The following PDK1 variants were observed in gnomAD, a reference collection of about 807,000 sequenced individuals.
The protein encoded by PDK1 is pyruvate dehydrogenase kinase 1.
In PDK1, 39 loss-of-function variants were observed where a neutral mutation model predicts 54.2. That is an observed-to-expected ratio of 0.72 (90% CI 0.56 to 0.94). The LOEUF is 0.94. Among genes scored for constraint, PDK1 ranks in the 40% least tolerant of loss-of-function variants. PDK1 has a pLI of 0.00. For missense variants in PDK1, 552 were observed against 566.0 expected, an observed-to-expected ratio of 0.98 and a Z score of 0.25; for synonymous variants, 221 against 207.1, an observed-to-expected ratio of 1.07 and a Z score of -0.58.
At chr2:172,582,195 T>C (rs557858736) in intron 8 of PDK1, among the ~76,000 whole-genome samples, 2 of 152,352 alleles carry the variant, frequency 1.3e-5, no homozygotes, top group Admixed American at 6.5e-5. Flanking sequence ...ATTACAGGTA[T>C]GAGCCACAGC....
intron 8 of PDK1, among the ~76,000 whole-genome samples, chr2:172,585,938 G>A (rs1690198221): frequency 6.6e-6 from 1 of 152,092 alleles, no homozygotes; most frequent in Non-Finnish European, 1.5e-5. Context: ...GGCCAAGACA[G>A]GCAGATCATG....
chr2:172,711,213 A>T, the PDK1 span, among the ~76,000 whole-genome samples: 4 of 152,322 alleles, frequency 2.6e-5, no homozygotes, highest in East Asian at 7.7e-4. Context: ...TGACATAAAG[A>T]TGTCTCTTGT....
chr2:172,594,999 A>G (rs957026996), intron 10 of PDK1, among the ~76,000 whole-genome samples: 4 of 152,188 alleles, frequency 2.6e-5, no homozygotes, highest in African/African-American at 7.2e-5. Context: ...GGGCCAATAA[A>G]TGTTCACGAA....
the PDK1 span, among the ~76,000 whole-genome samples, chr2:172,645,374 G>A: frequency 8.4e-5 from 12 of 142,686 alleles, no homozygotes; most frequent in African/African-American, 2.3e-4. Context: ...GGGTTCAAGC[G>A]GTTCTCCTGG....
the PDK1 span, among the ~76,000 whole-genome samples, chr2:172,679,751 GA>G: frequency 3.4e-5 from 5 of 148,492 alleles, no homozygotes; most frequent in Middle Eastern, 3.4e-3. Context: ...GGGAGAGAAA[GA>G]AAAAAAAAGA....
chr2:172,594,896 A>G (rs1326300302), intron 10 of PDK1, among the ~76,000 whole-genome samples: 1 of 152,202 alleles, frequency 6.6e-6, no homozygotes, highest in Admixed American at 6.5e-5. Context: ...ATTACTGGTA[A>G]TAATATATGG....
the PDK1 span, among the ~76,000 whole-genome samples, chr2:172,622,192 T>A: frequency 8.0e-5 from 12 of 149,646 alleles, no homozygotes; most frequent in African/African-American, 2.9e-4. Flanking sequence ...ATATATTATG[T>A]GAGATGTTTA....
At chr2:172,668,790 A>G in the PDK1 span, among the ~76,000 whole-genome samples, 1 of 141,852 alleles carries the variant, frequency 7.0e-6, no homozygotes, top group Non-Finnish European at 1.5e-5. Flanking sequence ...ACACACATAT[A>G]TGTATGTGTA....
chr2:172,564,180 C>A, intron 3 of PDK1: 1 of 481,868 alleles, frequency 2.1e-6, no homozygotes, highest in Non-Finnish European at 4.1e-6. Flanking sequence ...ATACCATCCT[C>A]TTAGCCAGTG....
chr2:172,617,535 CT>C, the PDK1 span, among the ~76,000 whole-genome samples: 1 of 152,066 alleles, frequency 6.6e-6, no homozygotes, highest in Admixed American at 6.6e-5. Flanking sequence ...ACCTAGAACA[CT>C]GTGTCATCTG....
At chr2:172,581,145 T>G (rs1050005696) in intron 8 of PDK1, among the ~76,000 whole-genome samples, 65 of 152,202 alleles carry the variant, frequency 4.3e-4, no homozygotes, top group African/African-American at 1.5e-3. Context: ...CAGGCTGGAG[T>G]GCGGTGGCAT....
chr2:172,706,533 C>T, the PDK1 span, among the ~76,000 whole-genome samples: 2 of 151,940 alleles, frequency 1.3e-5, no homozygotes, highest in Non-Finnish European at 2.9e-5. Context: ...TCAGGTGATC[C>T]TCCCACTTCA....
At chr2:172,655,488 A>G in the PDK1 span, among the ~76,000 whole-genome samples, 1 of 152,238 alleles carries the variant, frequency 6.6e-6, no homozygotes, top group Admixed American at 6.5e-5. Context: ...GGCCAGGCTT[A>G]CATTTTATTT....
the PDK1 span, among the ~76,000 whole-genome samples, chr2:172,712,910 A>T: frequency 6.6e-6 from 1 of 152,238 alleles, no homozygotes; most frequent in Admixed American, 6.5e-5. Flanking sequence ...CAAGGTGAAG[A>T]GGTGCTTTAT....
At chr2:172,615,480 A>T in the PDK1 span, among the ~76,000 whole-genome samples, 1 of 152,094 alleles carries the variant, frequency 6.6e-6, no homozygotes, top group East Asian at 1.9e-4. Context: ...AAAATTAGCC[A>T]GGTGTGGTGG....
At chr2:172,702,748 A>C in the PDK1 span, among the ~76,000 whole-genome samples, 1 of 152,128 alleles carries the variant, frequency 6.6e-6, no homozygotes, top group African/African-American at 2.4e-5. Flanking sequence ...GATTTTTAAA[A>C]AAATTGTATT....
chr2:172,572,431 A>G (rs1689330769), intron 8 of PDK1, among the ~76,000 whole-genome samples: 1 of 152,090 alleles, frequency 6.6e-6, no homozygotes, highest in South Asian at 2.1e-4. Flanking sequence ...CTAAGAAAAA[A>G]CCCAAGTACT....
At chr2:172,587,463 C>T (rs2149279396) in intron 9 of PDK1, among the ~76,000 whole-genome samples, 1 of 151,028 alleles carries the variant, frequency 6.6e-6, no homozygotes, top group South Asian at 2.1e-4. Context: ...GGTGGCACGT[C>T]CAGAGTTGTT....
chr2:172,561,234 G>C (rs1688639108), intron 2 of PDK1, among the ~76,000 whole-genome samples: 1 of 152,184 alleles, frequency 6.6e-6, no homozygotes, highest in Non-Finnish European at 1.5e-5. Context: ...GGTCTGATCG[G>C]TGCCTGTTGT....
Sources: gnomAD v4.1 joint callset for allele counts (sites outside exome capture counted in the v4.1 genomes callset) on GRCh38, gnomAD v4.1.1 for gene constraint, MANE v1.5 for transcripts, NCBI Gene and HGNC (gene_info 2026-07-23, HGNC 2026-07-21) for gene names.